Variants in RAPGEF6 observed in about 807,000 individuals in gnomAD.
RAPGEF6 encodes PDZ domain containing guanine nucleotide exchange factor (GEF) 2.
A neutral mutation model predicts 171.4 loss-of-function variants in RAPGEF6; 56 were observed. That is an observed-to-expected ratio of 0.33 (90% confidence interval 0.26 to 0.41). RAPGEF6 has a LOEUF of 0.41. Ranked by LOEUF, RAPGEF6 falls within the 10% of genes least tolerant of loss-of-function variation. The pLI is 1.00. For missense variants in RAPGEF6, 1,674 were observed against 1,921.4 expected (o/e 0.87, Z 2.41); for synonymous variants, 692 against 650.1 (o/e 1.06, Z -0.98).
At chr5:131,444,385 T>C (rs2149815239) in intron 22 of RAPGEF6, among the ~76,000 whole-genome samples, 1 of 152,328 alleles carries the variant, frequency 6.6e-6, no homozygotes, top group South Asian at 2.1e-4. Flanking sequence ...CATCTTATTT[T>C]AATAATTGCT....
intron 3 of RAPGEF6, among the ~76,000 whole-genome samples, chr5:131,602,085 T>A (rs1419784713): frequency 1.3e-5 from 2 of 151,116 alleles, no homozygotes; most frequent in African/African-American, 4.9e-5. Flanking sequence ...ACTGTCACAA[T>A]CTCCTGAATT....
chr5:131,549,017 C>T (rs560076846), intron 5 of RAPGEF6, among the ~76,000 whole-genome samples: 158 of 152,034 alleles, frequency 1.0e-3, no homozygotes, highest in Non-Finnish European at 1.7e-3. Context: ...TTAGCTATGA[C>T]TGCACAACTG....
At position 131,606,979 on chromosome 5, in the gene RAPGEF6, TAA is replaced by T. The variant is rs560580087; in HGVS notation, c.70-2288_70-2287del. Among the ~76,000 whole-genome samples, 44 of 152,274 alleles carry T rather than the reference TAA, an allele frequency of 2.9e-4. No homozygotes were observed. The South Asian group carries it at 9.1e-3, about 32-fold the overall frequency. ...GCCAGAACCTGCTGAATGTAGGTAA[TAA>T]AGAGAGTCATGGCAAAAGTGTGGCT... On this transcript the variant is annotated intron_variant, in intron 1 of 27. Transcript: ENST00000509018.
At chr5:131,448,797 A>T (rs187540642) in intron 21 of RAPGEF6, among the ~76,000 whole-genome samples, 19 of 152,332 alleles carry the variant, frequency 1.2e-4, no homozygotes, top group South Asian at 4.1e-4. Context: ...TAAGTCATTC[A>T]AACACACCCA....
intron 6 of RAPGEF6, among the ~76,000 whole-genome samples, chr5:131,522,132 T>C (rs1291270165): frequency 1.3e-5 from 2 of 152,170 alleles, no homozygotes; most frequent in Non-Finnish European, 2.9e-5. Flanking sequence ...ATCAACATGA[T>C]TTAATGAATG....
intron 17 of RAPGEF6, chr5:131,472,200 T>C (rs1754791010): frequency 3.5e-6 from 1 of 283,280 alleles, no homozygotes; most frequent in African/African-American, 2.2e-5. Context: ...GCCTCCCAAG[T>C]AGCTGGGACT....
intron 4 of RAPGEF6, among the ~76,000 whole-genome samples, chr5:131,572,317 T>C (rs1195655539): frequency 6.6e-6 from 1 of 152,212 alleles, no homozygotes; most frequent in Admixed American, 6.5e-5. Flanking sequence ...TAAGCGGTTC[T>C]TCACACTCGG....
chr5:131,572,935 GT>G (rs1312673498), intron 4 of RAPGEF6, among the ~76,000 whole-genome samples: 8 of 152,170 alleles, frequency 5.3e-5, no homozygotes, highest in African/African-American at 1.9e-4. Context: ...GATAATTTTT[GT>G]CAAAAATTGC....
At chr5:131,550,495 A>C (rs1318703975) in intron 5 of RAPGEF6, among the ~76,000 whole-genome samples, 2 of 152,226 alleles carry the variant, frequency 1.3e-5, no homozygotes, top group African/African-American at 2.4e-5. Context: ...GTTGATGTCT[A>C]ATCTGCTTTG....
intron 6 of RAPGEF6, among the ~76,000 whole-genome samples, chr5:131,526,726 T>C (rs556467554): frequency 1.5e-4 from 23 of 152,258 alleles, no homozygotes; most frequent in African/African-American, 4.6e-4. Flanking sequence ...ATTTACCCCA[T>C]TGTCCTTCCA....
In RAPGEF6 at chr5:131,480,263, G is replaced by A. The variant is rs545373299; in HGVS notation, c.1841-510C>T. On this transcript the variant is annotated intron_variant, in intron 15 of 27. Coordinates refer to ENST00000509018, the MANE Select transcript of RAPGEF6 (RefSeq NM_016340.6). ...GATGCAAAAACCTGCGTATGGCTCT[G>A]AAGAACCAACTGTGGGTCTTGAATA... Among the ~76,000 whole-genome samples the A allele has an allele frequency of 2.6e-5, 4 of 152,242 alleles. No homozygotes were observed. In the East Asian group the frequency reaches 7.7e-4, roughly 29 times the overall value.
At chr5:131,495,227 G>A (rs1482055061) in intron 13 of RAPGEF6, among the ~76,000 whole-genome samples, 6 of 151,780 alleles carry the variant, frequency 4.0e-5, no homozygotes, top group Non-Finnish European at 5.9e-5. Flanking sequence ...CCTGGAAAGC[G>A]GAGGTCGCAG....
intron 16 of RAPGEF6, among the ~76,000 whole-genome samples, chr5:131,474,339 G>A (rs980537662): frequency 1.3e-5 from 2 of 152,116 alleles, no homozygotes; most frequent in African/African-American, 4.8e-5. Context: ...GGTGGCTCGT[G>A]CCTGTAATCC....
intron 4 of RAPGEF6, among the ~76,000 whole-genome samples, chr5:131,575,189 T>C (rs1262888462): frequency 6.6e-6 from 1 of 152,162 alleles, no homozygotes; most frequent in Non-Finnish European, 1.5e-5. Flanking sequence ...GGATTGACCC[T>C]GACAGCCACC....
chr5:131,434,215 C>CT (rs530190022), intron 24 of RAPGEF6, among the ~76,000 whole-genome samples: 23 of 152,256 alleles, frequency 1.5e-4, no homozygotes, highest in Middle Eastern at 3.4e-3. Flanking sequence ...CCTAAGAAGT[C>CT]TTGTCTTGAG....
At chr5:131,517,105 C>T (rs1420298664) in intron 7 of RAPGEF6, among the ~76,000 whole-genome samples, 1 of 152,126 alleles carries the variant, frequency 6.6e-6, no homozygotes, top group East Asian at 1.9e-4. Context: ...ACACCAGACA[C>T]TGGGGTCTAT....
At chr5:131,559,792 G>A (rs558421801) in intron 5 of RAPGEF6, among the ~76,000 whole-genome samples, 24 of 146,310 alleles carry the variant, frequency 1.6e-4, no homozygotes, top group Non-Finnish European at 2.8e-4. Context: ...CTGAGCTATC[G>A]CACCACCGCA....
At chr5:131,452,814 T>C (rs1199972868) in intron 21 of RAPGEF6, among the ~76,000 whole-genome samples, 1 of 152,092 alleles carries the variant, frequency 6.6e-6, no homozygotes, top group Non-Finnish European at 1.5e-5. Context: ...CATACAAATA[T>C]TTGCAAATTA....
At chr5:131,591,895 T>A (rs1193599896) in intron 4 of RAPGEF6, among the ~76,000 whole-genome samples, 1 of 152,168 alleles carries the variant, frequency 6.6e-6, no homozygotes, top group Non-Finnish European at 1.5e-5. Context: ...TTCGCTCTTG[T>A]TGCCCAGGCT....
Sources: gnomAD v4.1 joint callset for allele counts (sites outside exome capture counted in the v4.1 genomes callset) on GRCh38, gnomAD v4.1.1 for gene constraint, MANE v1.5 for transcripts, NCBI Gene and HGNC (gene_info 2026-07-23, HGNC 2026-07-21) for gene names.